The following MTMR12 variants were observed in gnomAD, a reference collection of about 807,000 sequenced individuals.
MTMR12 encodes the protein myotubularin-related protein 12.
Under a neutral mutation model 96.7 loss-of-function variants are expected in MTMR12, and 33 were observed. The observed-to-expected ratio is 0.34, with a 90% confidence interval of 0.26 to 0.46. The LOEUF is 0.46. Ranked by LOEUF, MTMR12 falls within the 20% of genes least tolerant of loss-of-function variation. MTMR12 has a pLI of 1.00. For missense variants in MTMR12, 721 were observed against 896.1 expected (o/e 0.80, Z 2.49); for synonymous variants, 298 against 327.2 (o/e 0.91, Z 0.96).
chr5:32,274,501 C>T (rs1179928595), intron 2 of MTMR12, among the ~76,000 whole-genome samples: 1 of 152,160 alleles, frequency 6.6e-6, no homozygotes, highest in African/African-American at 2.4e-5. Context: ...CCTAAGTGAA[C>T]ACAGATGGGC....
chr5:32,280,421 C>T (rs1483760549), intron 1 of MTMR12, among the ~76,000 whole-genome samples: 1 of 152,188 alleles, frequency 6.6e-6, no homozygotes, highest in Non-Finnish European at 1.5e-5. Context: ...ATAACACAGA[C>T]ATTTCATTTC....
intron 1 of MTMR12, among the ~76,000 whole-genome samples, chr5:32,290,937 C>G (rs1750717051): frequency 1.3e-5 from 2 of 152,182 alleles, no homozygotes; most frequent in African/African-American, 4.8e-5. Flanking sequence ...CCTGAACTGC[C>G]CATCATGAAT....
At chr5:32,274,209 T>C (rs1749960533) in intron 2 of MTMR12, 87 bp from the exon 3 acceptor site, 4 of 1,463,188 alleles carry the variant, frequency 2.7e-6, no homozygotes, top group Admixed American at 2.0e-5. Context: ...CCTATTTACA[T>C]AAGGACAAAC....
intron 13 of MTMR12, 68 bp downstream of exon 13, chr5:32,238,933 A>G: frequency 9.2e-6 from 13 of 1,416,620 alleles, no homozygotes; most frequent in Non-Finnish European, 1.1e-5. Flanking sequence ...ACATCTGATG[A>G]CAGGTATTAA....
At chr5:32,253,130 C>T (rs955977936) in intron 8 of MTMR12, among the ~76,000 whole-genome samples, 2 of 152,152 alleles carry the variant, frequency 1.3e-5, no homozygotes, top group African/African-American at 4.8e-5. Context: ...TCACAACTCA[C>T]GGGATAGGGG....
chr5:32,301,711 C>T (rs758048066), intron 1 of MTMR12, among the ~76,000 whole-genome samples: 4 of 151,798 alleles, frequency 2.6e-5, no homozygotes, highest in African/African-American at 7.3e-5. Flanking sequence ...GCCAACATGG[C>T]GAAACCCTGT....
At chr5:32,237,500 T>C (rs945450770) in intron 13 of MTMR12, among the ~76,000 whole-genome samples, 1 of 149,146 alleles carries the variant, frequency 6.7e-6, no homozygotes, top group East Asian at 2.0e-4. Context: ...GGCATTAACA[T>C]AACCCTGTGC....
At chr5:32,288,468 A>G (rs1441807094) in intron 1 of MTMR12, among the ~76,000 whole-genome samples, 1 of 152,188 alleles carries the variant, frequency 6.6e-6, no homozygotes, top group Non-Finnish European at 1.5e-5. Context: ...TTCTAGACCT[A>G]TAACTGGACT....
chr5:32,312,427 A>G lies in MTMR12; in HGVS notation c.81+331T>C, dbSNP rs1581657935. On this transcript the variant is annotated intron_variant, in intron 1 of 15. Transcript: ENST00000382142. The surrounding 1 kb of genome is among the most constrained non-coding windows in gnomAD (Gnocchi z 5.0). ...GTTGGGGGCTCCGACCCACGGCCCT[A>G]CCCCTCCCAGCAGTGCCCACAACCC... Among the ~76,000 whole-genome samples the G allele has an allele frequency of 6.6e-6, 1 of 151,964 alleles. No homozygotes were observed. The highest frequency in any genetic ancestry group is 1.5e-5 in the Non-Finnish European group (1 of 67,938).
chr5:32,262,095 T>G (rs560094029), intron 7 of MTMR12, among the ~76,000 whole-genome samples: 18 of 151,694 alleles, frequency 1.2e-4, no homozygotes, highest in African/African-American at 4.4e-4. Context: ...AATAAGTACA[T>G]AATAAAAAGC....
Position 32,235,112 on chromosome 5 carries a change from A to T in MTMR12, c.1362T>A (p.Leu454=). The part of the protein sequence containing the change: ...NDKEEVPVFL[L]FLDCVWQLVH... The stretch of plus-strand genomic sequence containing the variant: ...CCAGCTGCCAGACACAATCTAGGAA[A>T]AGCAGGAACACAGGAACCTGCATGA... The change falls in exon 14 of 16, where the codon CTT becomes CTA. Residue 454 remains leucine (L), a synonymous_variant. Transcript: ENST00000382142. 5 of 1,613,388 alleles carry T rather than the reference A, an allele frequency of 3.1e-6. No homozygotes were observed. Among genetic ancestry groups the T allele is most frequent in the Non-Finnish European group, 3.4e-6 (4 of 1,179,794 alleles).
intron 1 of MTMR12, chr5:32,296,442 G>A: frequency 5.7e-6 from 2 of 352,236 alleles, no homozygotes; most frequent in Non-Finnish European, 1.2e-5. Context: ...TCACACCACT[G>A]CATTCCAGTC....
At chr5:32,285,441 T>G (rs1581633608) in intron 1 of MTMR12, among the ~76,000 whole-genome samples, 1 of 151,774 alleles carries the variant, frequency 6.6e-6, no homozygotes, top group Admixed American at 6.6e-5. Flanking sequence ...GCTGGGATTA[T>G]AGGTGTGAGC....
intron 12 of MTMR12, among the ~76,000 whole-genome samples, chr5:32,241,064 A>G (rs933259680): frequency 1.3e-5 from 2 of 152,230 alleles, no homozygotes; most frequent in Non-Finnish European, 2.9e-5. Context: ...CAAAGATTCA[A>G]ATTTCACTCT....
chr5:32,274,908 C>T (rs1177344557), intron 2 of MTMR12, among the ~76,000 whole-genome samples: 1 of 152,046 alleles, frequency 6.6e-6, no homozygotes, highest in African/African-American at 2.4e-5. Flanking sequence ...TATTCTCTGC[C>T]ATCTGGAAGC....
chr5:32,289,400 G>A (rs564157391), intron 1 of MTMR12, among the ~76,000 whole-genome samples: 10 of 151,930 alleles, frequency 6.6e-5, no homozygotes, highest in Non-Finnish European at 1.2e-4. Flanking sequence ...AGGGGAGGCC[G>A]GGTCCCCTTG....
At chr5:32,274,470 G>A (rs1749972101) in intron 2 of MTMR12, among the ~76,000 whole-genome samples, 1 of 152,174 alleles carries the variant, frequency 6.6e-6, no homozygotes, top group Admixed American at 6.5e-5. Flanking sequence ...GACCCAAGCA[G>A]ATGTTCCATA....
chr5:32,235,248 G>A, intron 13 of MTMR12, 119 bp from the exon 14 acceptor site: 2 of 893,272 alleles, frequency 2.2e-6, no homozygotes, highest in Non-Finnish European at 3.3e-6. Flanking sequence ...TCATTCTCTG[G>A]GAAACACAGA....
chr5:32,274,043 C>T lies in MTMR12; in HGVS notation c.222G>A (p.Arg74=). ...EDSCQHGVYG[R]LVCTDFKIAF... ...CAATCTTGAAGTCTGTGCAGACAAGCCTCCCATAGACCCCATGCTGACAGG... is the reference window on the plus strand; with the variant it reads ...CAATCTTGAAGTCTGTGCAGACAAGTCTCCCATAGACCCCATGCTGACAGG... The change falls in exon 3 of 16, where the codon AGG becomes AGA. Residue 74 remains arginine (R), a synonymous_variant. Coordinates refer to ENST00000382142, the MANE Select transcript of MTMR12 (RefSeq NM_001040446.3). 6.2e-7 allele frequency: 1 copy of T among 1,614,184 alleles called. No individual in the cohort carries two copies. The highest frequency in any genetic ancestry group is 8.5e-7 in the Non-Finnish European group (1 of 1,180,028).
Sources: allele counts gnomAD v4.1 joint callset (sites outside exome capture counted in the v4.1 genomes callset), GRCh38; gene constraint gnomAD v4.1.1; non-coding constraint Gnocchi (gnomAD v3.1); transcripts MANE v1.5; gene names NCBI Gene and HGNC (gene_info 2026-07-23, HGNC 2026-07-21).